GRIP1: variants seen among roughly 807,000 people sequenced by gnomAD.
GRIP1 encodes glutamate receptor interacting protein 1.
A neutral mutation model predicts 129.9 loss-of-function variants in GRIP1; 45 were observed. The ratio of observed to expected loss-of-function variants is 0.35; its 90% CI spans 0.27 to 0.44. The LOEUF is 0.44. GRIP1 is among the 20% of genes least tolerant of loss of function. The pLI, the probability that GRIP1 is intolerant of heterozygous loss-of-function variation, is 1.00. For synonymous variants in GRIP1, 530 were observed against 520.8 expected (o/e 1.02, Z -0.24); for missense variants, 1,196 against 1,396.8 (o/e 0.86, Z 2.29).
At position 67,027,301 on chromosome 12, in the gene GRIP1, A is replaced by G. The variant is rs533185394; in HGVS notation, c.58+41749T>C. ...GGCACCCACACTGAGAGCAACCTGC[A>G]GCACTTTCCTATCACCACACGTGGT... is the stretch of plus-strand genomic sequence containing the variant. On this transcript the variant is annotated intron_variant, in intron 1 of 1. Coordinates refer to the GRIP1 transcript ENST00000643019. Among the ~76,000 whole-genome samples the G allele has an allele frequency of 2.0e-5, 3 of 152,356 alleles. No homozygotes were observed. The East Asian group carries it at 5.8e-4, about 29-fold the overall frequency.
intron 1 of GRIP1, among the ~76,000 whole-genome samples, chr12:66,919,437 T>A (rs952217290): frequency 2.6e-5 from 4 of 152,228 alleles, no homozygotes; most frequent in Admixed American, 6.5e-5. Flanking sequence ...TCATTAATAA[T>A]CAAAACATCT....
intron 2 of GRIP1, among the ~76,000 whole-genome samples, chr12:66,548,827 T>C (rs1331701004): frequency 6.6e-6 from 1 of 152,146 alleles, no homozygotes; most frequent in Non-Finnish European, 1.5e-5. Flanking sequence ...TATAATGTCA[T>C]ATAAGATAAA....
At chr12:66,683,220 A>G (rs2034653347), upstream of GRIP1, among the ~76,000 whole-genome samples, 1 of 152,030 alleles carries the variant, frequency 6.6e-6, no homozygotes, top group South Asian at 2.1e-4. Flanking sequence ...ATAATCGGCC[A>G]TTTTTACTTC....
At chr12:66,937,755 T>C (rs1354958106) in intron 1 of GRIP1, among the ~76,000 whole-genome samples, 2 of 152,094 alleles carry the variant, frequency 1.3e-5, no homozygotes, top group Non-Finnish European at 2.9e-5. Flanking sequence ...TATTAGAGTT[T>C]CCAAAGATGA....
chr12:66,779,842 C>T lies in GRIP1; in HGVS notation c.-420+24211G>A, dbSNP rs186840634. On this transcript the variant is annotated intron_variant, in intron 1 of 4. Transcript: ENST00000538373. ...AGAATGATGGGGAAGCTACTGTAGACAGGAAGGTCAAGTCTGAGGACATGG... is the reference window on the plus strand; with the variant it reads ...AGAATGATGGGGAAGCTACTGTAGATAGGAAGGTCAAGTCTGAGGACATGG... Among the ~76,000 whole-genome samples the T allele has an allele frequency of 5.8e-4, 88 of 152,258 alleles. 1 individual carries two copies. Among genetic ancestry groups the T allele is most frequent in the African/African-American group, 2.0e-3 (84 of 41,542 alleles).
At chr12:66,922,718 A>T (rs1305118712) in intron 1 of GRIP1, among the ~76,000 whole-genome samples, 1 of 152,200 alleles carries the variant, frequency 6.6e-6, no homozygotes, top group Non-Finnish European at 1.5e-5. Context: ...GACTCAGTTG[A>T]CTGCTTTTAC....
At chr12:66,514,462 A>C (rs1258630273) in intron 7 of GRIP1, among the ~76,000 whole-genome samples, 1 of 152,172 alleles carries the variant, frequency 6.6e-6, no homozygotes, top group Non-Finnish European at 1.5e-5. Flanking sequence ...AAATTAGTAG[A>C]GTTGAAAACA....
At chr12:66,798,532 C>G (rs572512422) in intron 1 of GRIP1, among the ~76,000 whole-genome samples, 2 of 152,072 alleles carry the variant, frequency 1.3e-5, no homozygotes, top group African/African-American at 4.8e-5. Flanking sequence ...CACATTGGAA[C>G]GATTTAAATG....
intron 1 of GRIP1, among the ~76,000 whole-genome samples, chr12:66,661,555 T>G (rs2033512839): frequency 6.6e-6 from 1 of 151,838 alleles, no homozygotes; most frequent in African/African-American, 2.4e-5. Flanking sequence ...GTCTAGAGAA[T>G]TTAGCATAAT....
intron 1 of GRIP1, among the ~76,000 whole-genome samples, chr12:66,673,977 T>G (rs2136245607): frequency 6.6e-6 from 1 of 152,132 alleles, no homozygotes; most frequent in East Asian, 1.9e-4. Flanking sequence ...TGGCATGAAA[T>G]GAAGGGGTGG....
At chr12:66,442,975 C>T (rs1427225438) in intron 13 of GRIP1, among the ~76,000 whole-genome samples, 2 of 152,070 alleles carry the variant, frequency 1.3e-5, no homozygotes, top group African/African-American at 4.8e-5. Flanking sequence ...ATAACTGGCC[C>T]ATGGTAAATA....
intron 2 of GRIP1, among the ~76,000 whole-genome samples, chr12:66,570,655 C>A (rs1367130393): frequency 2.0e-5 from 3 of 152,178 alleles, no homozygotes; most frequent in Non-Finnish European, 2.9e-5. Flanking sequence ...TCTCGAATTT[C>A]TGGGACCTTA....
At chr12:66,405,482 C>T (rs1323061486) in intron 16 of GRIP1, among the ~76,000 whole-genome samples, 1 of 152,204 alleles carries the variant, frequency 6.6e-6, no homozygotes. Flanking sequence ...CCTTGCACCA[C>T]AGCTGTGGCA....
chr12:66,847,591 T>C (rs2039840692), intron 1 of GRIP1, among the ~76,000 whole-genome samples: 1 of 152,166 alleles, frequency 6.6e-6, no homozygotes, highest in Non-Finnish European at 1.5e-5. Context: ...AATGTGAACT[T>C]TGAAGGTAAA....
At chr12:66,893,956 C>T (rs1462426500) in intron 1 of GRIP1, among the ~76,000 whole-genome samples, 1 of 152,122 alleles carries the variant, frequency 6.6e-6, no homozygotes, top group Admixed American at 6.5e-5. Flanking sequence ...ATCTCTATTC[C>T]TCTTCTCCCT....
At chr12:66,710,685 C>A (rs1453846955) in intron 1 of GRIP1, among the ~76,000 whole-genome samples, 1 of 151,816 alleles carries the variant, frequency 6.6e-6, no homozygotes, top group Non-Finnish European at 1.5e-5. Context: ...TTTGCAAGAC[C>A]TTTATGATTA....
chr12:67,019,931 G>C (rs534895111), intron 1 of GRIP1, among the ~76,000 whole-genome samples: 1 of 152,144 alleles, frequency 6.6e-6, no homozygotes, highest in East Asian at 1.9e-4. Flanking sequence ...CAAAAGTTAA[G>C]ACTTATAAGA....
At chr12:66,586,590 C>A (rs1273818985) in intron 2 of GRIP1, among the ~76,000 whole-genome samples, 1 of 152,176 alleles carries the variant, frequency 6.6e-6, no homozygotes, top group Non-Finnish European at 1.5e-5. Flanking sequence ...GTTCCCCACT[C>A]CCCTGTTCCA....
chr12:66,982,633 A>C (rs541830865), intron 1 of GRIP1, among the ~76,000 whole-genome samples: 1 of 152,296 alleles, frequency 6.6e-6, no homozygotes, highest in East Asian at 1.9e-4. Context: ...TTTCAGTCCA[A>C]CAACGCTTTA....
Sources: gnomAD v4.1 joint callset for allele counts (sites outside exome capture counted in the v4.1 genomes callset) on GRCh38, gnomAD v4.1.1 for gene constraint, MANE v1.5 for transcripts, NCBI Gene and HGNC (gene_info 2026-07-23, HGNC 2026-07-21) for gene names.